The following MARS1 variants were observed in gnomAD, a reference collection of about 807,000 sequenced individuals.
The protein encoded by MARS1 is methionyl-tRNA synthetase 1.
MARS1 carries 80 observed loss-of-function variants against 119.5 expected under a neutral mutation model. The observed-to-expected ratio is 0.67, with a 90% CI of 0.56 to 0.81. The LOEUF (loss-of-function observed/expected upper bound fraction) is 0.81. MARS1 is among the 30% of genes least tolerant of loss of function. MARS1 has a pLI of 0.00. For missense variants in MARS1, 945 were observed against 1,116.5 expected (o/e 0.85, Z 2.19); for synonymous variants, 418 against 433.4 (o/e 0.96, Z 0.44).
Position 57,512,877 on chromosome 12 carries a change from A to C in MARS1, c.1880A>C (p.Glu627Ala), listed in dbSNP as rs1240511186. 1 of 1,614,116 alleles carries C rather than the reference A, an allele frequency of 6.2e-7. No individual in the cohort carries two copies. The highest frequency in any genetic ancestry group is 8.5e-7 in the Non-Finnish European group (1 of 1,180,048). The change falls in exon 15 of 21, where the codon GAG becomes GCG. Residue 627 changes from glutamate (E) to alanine (A), a missense_variant. Coordinates refer to ENST00000262027, the MANE Select transcript of MARS1 (RefSeq NM_004990.4). Reference sequence around the variant, plus strand: ...TTCTATCTGCTGTACATTCGGCCTGAGGGCCAGGACAGTGCTTTCTCCTGG... The same window carrying C: ...TTCTATCTGCTGTACATTCGGCCTGCGGGCCAGGACAGTGCTTTCTCCTGG... ...WRFYLLYIRP[E>A]GQDSAFSWTD... is the part of the protein sequence containing the mutation.
chr12:57,489,101 A>T lies in MARS1; in HGVS notation c.192A>T (p.Ala64=). ...DSGNYLFSTS[A]ICRYFFLLSG... ...GCAACTACCTCTTCTCCACTAGTGC[A>T]ATCTGCCGGTCAGTATTGGTCCTTG... Residue 64 remains alanine (A), a synonymous_variant, in exon 2 of 21, where the codon GCA becomes GCT. Transcript: ENST00000262027. The T allele has an allele frequency of 6.2e-7, 1 of 1,613,918 alleles. No homozygotes were observed. Among genetic ancestry groups the T allele is most frequent in the Non-Finnish European group, 8.5e-7 (1 of 1,179,962 alleles).
At chr12:57,509,801 CTCTA>C (rs1321187188) in intron 11 of MARS1, among the ~76,000 whole-genome samples, 5 of 152,202 alleles carry the variant, frequency 3.3e-5, no homozygotes, top group Non-Finnish European at 7.3e-5. Flanking sequence ...TATTTCATGT[CTCTA>C]TCTACCTTCT....
chr12:57,494,994 A>G (rs913092273), intron 7 of MARS1, among the ~76,000 whole-genome samples: 4 of 152,048 alleles, frequency 2.6e-5, no homozygotes, highest in African/African-American at 9.7e-5. Context: ...CATTGTCATC[A>G]TGGCCCGTTC....
intron 14 of MARS1, 36 bp downstream of exon 14, chr12:57,512,389 T>C: frequency 6.9e-7 from 1 of 1,452,660 alleles, no homozygotes; most frequent in African/African-American, 1.4e-5. Flanking sequence ...GGGGTGTTCA[T>C]AGGAAATGAG....
chr12:57,492,669 T>TCACACACACACA (rs58931225), intron 7 of MARS1, among the ~76,000 whole-genome samples: 10 of 139,546 alleles, frequency 7.2e-5, no homozygotes, highest in African/African-American at 2.4e-4. Flanking sequence ...CGACTCCATT[T>TCACACACACACA]CACACACACA....
chr12:57,498,160 G>T lies in MARS1; in HGVS notation c.774G>T (p.Leu258Phe). 1 of 1,608,396 alleles carries T rather than the reference G, an allele frequency of 6.2e-7. No homozygotes were observed. Among genetic ancestry groups the T allele is most frequent in the Non-Finnish European group, 8.5e-7 (1 of 1,174,762 alleles). Residue 258 changes from leucine to phenylalanine, a missense_variant, in exon 8 of 21, where the codon TTG becomes TTT. By Grantham distance (22) the Leu-to-Phe change is conservative. Coordinates refer to ENST00000262027, the MANE Select transcript of MARS1 (RefSeq NM_004990.4). ...PPLRPQQNPV[L>F]PVAGERNVLI... ...TCTCTTCCTCTTTCCTTACTAGGTT[G>T]CCTGTGGCTGGAGAAAGGAATGTGC... is the stretch of plus-strand genomic sequence containing the variant.
chr12:57,516,341 T>A lies in MARS1; in HGVS notation c.2556+4T>A. 1.9e-6 allele frequency: 3 copies of A among 1,614,132 alleles called. No homozygotes were observed. Among genetic ancestry groups the A allele is most frequent in the Non-Finnish European group, 2.5e-6 (3 of 1,179,998 alleles). On this transcript the variant is annotated splice_donor_region_variant and intron_variant, in intron 20 of 20. Transcript: ENST00000262027. ...GATGGATGAAGTGACAAAACAAGTATGAAGCTTAAGCCCTGTGGGAGACTG... is the reference window on the plus strand; with the variant it reads ...GATGGATGAAGTGACAAAACAAGTAAGAAGCTTAAGCCCTGTGGGAGACTG...
intron 14 of MARS1, 110 bp downstream of exon 14, chr12:57,512,463 A>G (rs1321219941): frequency 2.5e-6 from 2 of 787,132 alleles, no homozygotes; most frequent in Non-Finnish European, 4.3e-6. Flanking sequence ...AGTTGAGCTG[A>G]AATAGGAAAT....
At chr12:57,515,883 C>T (rs568210031) in intron 18 of MARS1, 37 bp from the exon 19 acceptor site, 2 of 1,513,956 alleles carry the variant, frequency 1.3e-6, no homozygotes, top group Admixed American at 3.4e-5. Flanking sequence ...GAGTCTGTAT[C>T]CAATCAGTAG....
intron 18 of MARS1, 67 bp from the exon 19 acceptor site, chr12:57,515,853 C>T: frequency 1.7e-6 from 2 of 1,205,020 alleles, no homozygotes; most frequent in Admixed American, 1.9e-5. Flanking sequence ...TTGGAGAGGT[C>T]ATCTGTATAG....
At chr12:57,493,776 T>TA (rs1876343741) in intron 7 of MARS1, among the ~76,000 whole-genome samples, 8 of 700 alleles carry the variant, frequency 0.011, no homozygotes, top group Non-Finnish European at 0.023. Flanking sequence ...TTATATATAA[T>TA]ATATATTATA....
intron 4 of MARS1, 23 bp downstream of exon 4, chr12:57,489,581 G>A: frequency 6.2e-7 from 1 of 1,613,892 alleles, no homozygotes. Context: ...TTGAGATGAG[G>A]ACTGGGGAAG....
At chr12:57,507,672 TC>T in intron 11 of MARS1, among the ~76,000 whole-genome samples, 1 of 70,980 alleles carries the variant, frequency 1.4e-5, no homozygotes, top group South Asian at 7.1e-4. Context: ...GCCCCCCACC[TC>T]CCTCCCGGAC....
rs1877598107 is a variant in MARS1 at position 57,512,976 on chromosome 12, T to G, written c.1967+12T>G. On this transcript the variant is annotated intron_variant, in intron 15 of 20. Transcript: ENST00000262027. ...AACTTCATCAACAGGTAGGACTTGGTAAGGGGTCAGAGTTAGCAGTGAGCT... is the reference window on the plus strand; with the variant it reads ...AACTTCATCAACAGGTAGGACTTGGGAAGGGGTCAGAGTTAGCAGTGAGCT... 1 of 1,612,804 alleles carries G rather than the reference T, an allele frequency of 6.2e-7. No homozygotes were observed. Among genetic ancestry groups the G allele is most frequent in the African/African-American group, 1.3e-5 (1 of 75,010 alleles).
intron 18 of MARS1, chr12:57,515,618 G>A: frequency 1.8e-6 from 1 of 561,574 alleles, no homozygotes. Context: ...GCAGATAGTG[G>A]GCAGGGAAAA....
chr12:57,495,275 C>T (rs1876547487), intron 7 of MARS1, among the ~76,000 whole-genome samples: 1 of 151,382 alleles, frequency 6.6e-6, no homozygotes, highest in South Asian at 2.1e-4. Context: ...CCCCCCACCT[C>T]CTGGATGGGG....
intron 10 of MARS1, chr12:57,503,852 T>G (rs1877053918): frequency 5.6e-6 from 1 of 177,138 alleles, no homozygotes; most frequent in African/African-American, 2.4e-5. Context: ...CACTTGTTTC[T>G]TATATAAGCC....
intron 7 of MARS1, among the ~76,000 whole-genome samples, chr12:57,492,558 C>T (rs1876029619): frequency 6.6e-6 from 1 of 151,838 alleles, no homozygotes; most frequent in African/African-American, 2.4e-5. Context: ...GTAATCCCTG[C>T]TACTCAGGAG....
In MARS1 at chr12:57,516,072, A is replaced by G. The variant is rs1356626665; in HGVS notation, c.2463+81A>G. The G allele has an allele frequency of 8.1e-6, 12 of 1,475,590 alleles. No individual in the cohort carries two copies. The African/African-American group carries it at 8.3e-5, about 10-fold the overall frequency. The allele number at this position is 1,475,590 out of a possible 1,614,324, so 91.4% of individuals were successfully genotyped here. On this transcript the variant is annotated intron_variant, in intron 19 of 20. Coordinates refer to ENST00000262027, the MANE Select transcript of MARS1 (RefSeq NM_004990.4). ...TAATTTCCCTAAGTAGTCCTCACCC[A>G]TCACTCTTTCCATCTTTTGGCCCTG...
Sources: gnomAD v4.1 joint callset for allele counts (sites outside exome capture counted in the v4.1 genomes callset) on GRCh38, gnomAD v4.1.1 for gene constraint, MANE v1.5 for transcripts, NCBI Gene and HGNC (gene_info 2026-07-23, HGNC 2026-07-21) for gene names.